UBAP2: variants seen among roughly 807,000 people sequenced by gnomAD.
UBAP2 encodes ubiquitin associated protein 2, also known as ubiquitin-associated protein 2.
A neutral mutation model predicts 139.6 loss-of-function variants in UBAP2; 75 were observed. The observed-to-expected ratio is 0.54, with a 90% CI of 0.45 to 0.65. UBAP2 has a LOEUF of 0.65. Ranked by LOEUF, UBAP2 falls within the 30% of genes least tolerant of loss-of-function variation. The pLI is 0.00. For missense variants in UBAP2, 1,368 were observed against 1,369.6 expected (o/e 1.00, Z 0.02); for synonymous variants, 526 against 526.2 (o/e 1.00, Z 0.01).
chr9:33,968,900 C>T (rs1462293983), intron 8 of UBAP2, among the ~76,000 whole-genome samples: 3 of 152,232 alleles, frequency 2.0e-5, no homozygotes, highest in East Asian at 1.9e-4. Context: ...TATAAATTTG[C>T]CTTAGACATT....
At position 33,986,851 on chromosome 9, in the gene UBAP2, A is replaced by G; in HGVS notation, c.443-14T>C. 6.2e-7 allele frequency: 1 copy of G among 1,612,652 alleles called. No homozygotes were observed. The highest frequency in any genetic ancestry group is 8.5e-7 in the Non-Finnish European group (1 of 1,178,732). On this transcript the variant is annotated splice_polypyrimidine_tract_variant and intron_variant, in intron 5 of 28. Transcript: ENST00000379238. The stretch of plus-strand genomic sequence containing the variant: ...CTTCACCTCTAACTAGGGGGAAAAG[A>G]GCAGAAAAATCAAATTTCCATTTCC...
chr9:33,943,520 G>A lies in UBAP2; in HGVS notation c.1615C>T (p.Leu539=), dbSNP rs376774621. ...VTGLNVQFGA[L]EFGSEPSLSE... ...AGAGAAGGTTCTGACCCAAATTCCA[G>A]AGCCCCAAACTGCACATTTAATCCT... The change falls in exon 15 of 29, where the codon CTG becomes TTG. Residue 539 remains leucine (L), a synonymous_variant. Coordinates refer to ENST00000379238, the MANE Select transcript of UBAP2 (RefSeq NM_001370062.2). The A allele has an allele frequency of 2.5e-6, 4 of 1,614,060 alleles. No individual in the cohort carries two copies. The highest frequency in any genetic ancestry group is 2.7e-5 in the African/African-American group (2 of 74,908).
chr9:33,984,873 G>A (rs925722819), intron 6 of UBAP2, among the ~76,000 whole-genome samples: 2 of 152,310 alleles, frequency 1.3e-5, no homozygotes, highest in Admixed American at 1.3e-4. Context: ...TACTGAGGTG[G>A]CTGAAACAGG....
rs1324203104 is a variant in UBAP2 at position 33,922,533 on chromosome 9, A to T, written c.3331T>A (p.Tyr1111Asn). Residue 1111 changes from tyrosine (Y) to asparagine (N), a missense_variant, in exon 29 of 29, where the codon TAC becomes AAC. Physicochemically the swap from Tyr to Asn is moderately radical, Grantham distance 143. Transcript: ENST00000379238. ...TTTGTCCAGTATGGAGAGTTGCCGT[A>T]GGCAGGTTTGGAGGCTTGAGACTTG... is the stretch of plus-strand genomic sequence containing the variant. ...QPKSQASKPA[Y>N]GNSPYWTN 3.1e-6 allele frequency: 5 copies of T among 1,613,882 alleles called. No homozygotes were observed. The highest frequency in any genetic ancestry group is 4.2e-6 in the Non-Finnish European group (5 of 1,179,998).
chr9:33,965,337 T>C (rs1386054428), intron 8 of UBAP2, among the ~76,000 whole-genome samples: 2 of 152,222 alleles, frequency 1.3e-5, no homozygotes, highest in African/African-American at 4.8e-5. Flanking sequence ...TCTTTATTTA[T>C]TTTGTATATA....
At chr9:34,047,079 T>C (rs993138056) in intron 1 of UBAP2, among the ~76,000 whole-genome samples, 1 of 152,128 alleles carries the variant, frequency 6.6e-6, no homozygotes, top group Non-Finnish European at 1.5e-5. Flanking sequence ...TCCCATGGCC[T>C]CATTCTCTCC....
chr9:33,985,183 A>AT (rs908467558), intron 6 of UBAP2, among the ~76,000 whole-genome samples: 9 of 151,560 alleles, frequency 5.9e-5, no homozygotes, highest in South Asian at 2.1e-4. Context: ...GGCAATTTCT[A>AT]TTTTTTTTTA....
chr9:33,953,446 G>A lies in UBAP2; in HGVS notation c.895C>T (p.Pro299Ser), dbSNP rs1826273005. The A allele has an allele frequency of 1.2e-6, 2 of 1,613,956 alleles. No individual in the cohort carries two copies. The highest frequency in any genetic ancestry group is 1.7e-5 in the Admixed American group (1 of 60,002). ...TCTGAGGCTTGACTGTGAGGAACAGGCTTCTGGAGCAAGGCTACCAGATCA... is the reference window on the plus strand; with the variant it reads ...TCTGAGGCTTGACTGTGAGGAACAGACTTCTGGAGCAAGGCTACCAGATCA... ...SIDLVALLQK[P>S]VPHSQASEAN... Residue 299 changes from proline (P) to serine (S), a missense_variant, in exon 12 of 29, where the codon CCT becomes TCT. Transcript: ENST00000379238.
chr9:33,981,064 C>CATATATATAT (rs552165278), intron 6 of UBAP2, among the ~76,000 whole-genome samples: 1 of 5,278 alleles, frequency 1.9e-4, no homozygotes, highest in African/African-American at 5.7e-4. Flanking sequence ...TTATTTACTT[C>CATATATATAT]ATATATATAT....
At chr9:33,956,232 T>A in intron 10 of UBAP2, 86 bp from the exon 11 acceptor site, 1 of 928,232 alleles carries the variant, frequency 1.1e-6, no homozygotes, top group Non-Finnish European at 1.7e-6. Context: ...TAGTCATCAG[T>A]AGTCTCTTAC....
intron 16 of UBAP2, among the ~76,000 whole-genome samples, chr9:33,939,389 G>C (rs1368715830): frequency 2.0e-5 from 3 of 151,518 alleles, no homozygotes; most frequent in African/African-American, 7.3e-5. Flanking sequence ...AGTAGAGACA[G>C]GGTTTCACCA....
Position 33,921,719 on chromosome 9 carries a change from G to A in UBAP2, c.*785C>T, listed in dbSNP as rs1378993410. The A allele has an allele frequency of 3.3e-5, 5 of 152,626 alleles. No homozygotes were observed. The highest frequency in any genetic ancestry group is 1.2e-4 in the African/African-American group (5 of 41,424). The allele number at this position is 152,626 out of a possible 1,614,324, so 9.5% of individuals were successfully genotyped here. On this transcript the variant is annotated 3_prime_UTR_variant, in exon 29 of 29. Coordinates refer to ENST00000379238, the MANE Select transcript of UBAP2 (RefSeq NM_001370062.2). The stretch of plus-strand genomic sequence containing the variant: ...ATGCTCTCAGAACTTTATTAGGTGG[G>A]GATTGGGCAAGAGAAAACCCCTGAA...
chr9:33,945,141 TA>T (rs11380272), intron 13 of UBAP2, among the ~76,000 whole-genome samples: 11,787 of 143,356 alleles, frequency 0.082, 639 homozygotes, highest in Non-Finnish European at 0.12. Flanking sequence ...ATCCAAAAAT[TA>T]AAAAAAAAAA....
In UBAP2 at chr9:33,927,819, CCTGCTACTGCTG is replaced by C. The variant is rs1218433336; in HGVS notation, c.2337_2348del (p.Ser779_Ser782del). On this transcript the variant is annotated inframe_deletion, in exon 20 of 29. Coordinates refer to ENST00000379238, the MANE Select transcript of UBAP2 (RefSeq NM_001370062.2). ...TACCTGAGGTCACCAAGGGCGCGGC[CCTGCTACTGCTG>C]CTGGATGCACTCGCGGGGGTCCCAC... is the stretch of plus-strand genomic sequence containing the variant. 4 of 1,613,360 alleles carry C rather than the reference CCTGCTACTGCTG, an allele frequency of 2.5e-6. No homozygotes were observed.
intron 8 of UBAP2, among the ~76,000 whole-genome samples, chr9:33,966,587 G>A (rs1168856022): frequency 6.6e-6 from 1 of 152,132 alleles, no homozygotes; most frequent in Non-Finnish European, 1.5e-5. Flanking sequence ...TCTAATTCAT[G>A]AACACTGAAT....
chr9:33,924,703 G>C (rs144044736), intron 22 of UBAP2, among the ~76,000 whole-genome samples: 2 of 152,156 alleles, frequency 1.3e-5, no homozygotes, highest in African/African-American at 4.8e-5. Context: ...AAGGTTTAAG[G>C]GGGGACAGGG....
chr9:34,016,173 GGAGGAGGAAGAGGAGGAATAGAAGGAA>G (rs1824240491), intron 2 of UBAP2, among the ~76,000 whole-genome samples: 1 of 145,898 alleles, frequency 6.9e-6, no homozygotes, highest in Non-Finnish European at 1.5e-5. Context: ...AGGAGGAGGA[GGAGGAGGAAGAGGAGGAATAGAAGGAA>G]GAGGAGGAAT....
chr9:34,015,380 G>A (rs1456525660), intron 2 of UBAP2, among the ~76,000 whole-genome samples: 1 of 152,084 alleles, frequency 6.6e-6, no homozygotes, highest in Non-Finnish European at 1.5e-5. Context: ...ATGCAGTGGT[G>A]TGATCTTGGC....
intron 2 of UBAP2, among the ~76,000 whole-genome samples, chr9:34,007,647 T>TC (rs1823347952): frequency 1.3e-5 from 2 of 149,618 alleles, no homozygotes; most frequent in Admixed American, 1.3e-4. Flanking sequence ...GTTTTATTTT[T>TC]ATTTTTTTTG....
Sources: gnomAD v4.1 joint callset for allele counts (sites outside exome capture counted in the v4.1 genomes callset) on GRCh38, gnomAD v4.1.1 for gene constraint, MANE v1.5 for transcripts, NCBI Gene and HGNC (gene_info 2026-07-23, HGNC 2026-07-21) for gene names.